The following LYRM4 variants were observed in gnomAD, a reference collection of about 807,000 sequenced individuals.
LYRM4 encodes the protein LYR motif-containing protein 4.
Under a neutral mutation model 11.7 loss-of-function variants are expected in LYRM4, and 9 were observed. The observed-to-expected ratio is 0.77, with a 90% CI of 0.46 to 1.34. The LOEUF (loss-of-function observed/expected upper bound fraction) is 1.34. Among genes scored for constraint, LYRM4 ranks in the 40% most tolerant of loss-of-function variants. LYRM4 has a pLI of 0.00. For synonymous variants in LYRM4, 42 were observed against 40.4 expected (o/e 1.04, Z -0.15); for missense variants, 133 against 112.5 (o/e 1.18, Z -0.82).
At chr6:5,033,054 G>A in the LYRM4 span, 1 of 152,374 alleles carries the variant, frequency 6.6e-6, no homozygotes, top group African/African-American at 2.4e-5. Context: ...TAATGCCCAA[G>A]TCTGTGTCTC....
At chr6:5,059,340 C>CAAA in the LYRM4 span, among the ~76,000 whole-genome samples, 387 of 85,938 alleles carry the variant, frequency 4.5e-3, 1 homozygote, top group African/African-American at 0.012. Flanking sequence ...CGCCCTGTCT[C>CAAA]AAAAAAAAAA....
intron 2 of LYRM4, among the ~76,000 whole-genome samples, chr6:5,209,546 G>C (rs1436134466): frequency 6.6e-6 from 1 of 152,186 alleles, no homozygotes; most frequent in African/African-American, 2.4e-5. Context: ...CTTTATCCCT[G>C]TTCTATTAAA....
In LYRM4 at chr6:5,113,099, G is replaced by A. The variant is rs187627338; in HGVS notation, c.208-3608C>T. ...GTCTTCAGGTCAAGGCGAAGAAGAG[G>A]TGGAGAGTTGTGGCGAGGGGACCCA... On this transcript the variant is annotated intron_variant, in intron 2 of 2. Coordinates refer to ENST00000330636, the MANE Select transcript of LYRM4 (RefSeq NM_020408.6). 6.0e-3 allele frequency: 1,355 copies of A among 224,292 alleles called. 14 individuals are homozygous for A. The highest frequency in any genetic ancestry group is 0.024 in the Admixed American group (417 of 17,318). 13.9% of individuals were successfully genotyped at this position (224,292 alleles called of 1,614,324 possible). A position where few individuals can be genotyped will look rare whatever the true frequency, so the allele number is the denominator to read the frequency against.
rs59883253 is a variant in LYRM4, at chr6:5,242,766, C to CT, written c.86+17881dup. Among the ~76,000 whole-genome samples, 246 of 128,078 alleles carry CT rather than the reference C, an allele frequency of 1.9e-3. 1 individual carries two copies. Among genetic ancestry groups the CT allele is most frequent in the East Asian group, 2.7e-3 (12 of 4,456 alleles). The allele number at this position is 128,078 out of a possible 152,430, so 84.0% of individuals were successfully genotyped here. A position where few individuals can be genotyped will look rare whatever the true frequency, so the allele number is the denominator to read the frequency against. On this transcript the variant is annotated intron_variant, in intron 1 of 2. Coordinates refer to ENST00000330636, the MANE Select transcript of LYRM4 (RefSeq NM_020408.6). ...ACATGAATATGACAGGATTTCTGCT[C>CT]TTTTTTTTTTTTTTTTTTGAGACGG...
intron 2 of LYRM4, among the ~76,000 whole-genome samples, chr6:5,139,215 C>G (rs1757275729): frequency 6.6e-6 from 1 of 152,220 alleles, no homozygotes; most frequent in African/African-American, 2.4e-5. Context: ...GCAGGCCTGC[C>G]AGCCCAGTGC....
intron 2 of LYRM4, among the ~76,000 whole-genome samples, chr6:5,206,484 A>G (rs1430162237): frequency 3.3e-5 from 5 of 152,238 alleles, no homozygotes; most frequent in African/African-American, 4.8e-5. Flanking sequence ...AGGCAGTTAA[A>G]TTTAGGTTGT....
At position 5,189,770 on chromosome 6, in the gene LYRM4, G is replaced by A. The variant is rs537789897; in HGVS notation, c.207+26848C>T. Among the ~76,000 whole-genome samples, 21 of 152,314 alleles carry A rather than the reference G, an allele frequency of 1.4e-4. No individual in the cohort carries two copies. The South Asian group carries it at 4.2e-3, about 30-fold the overall frequency. On this transcript the variant is annotated intron_variant, in intron 2 of 2. Transcript: ENST00000330636. ...ACACACAAAGGTGGCTAAATCACCTGTCTAAAAAAATCAGTACATGCTTCA... is the reference window on the plus strand; with the variant it reads ...ACACACAAAGGTGGCTAAATCACCTATCTAAAAAAATCAGTACATGCTTCA...
At chr6:5,081,103 G>A in the LYRM4 span, among the ~76,000 whole-genome samples, 1 of 145,930 alleles carries the variant, frequency 6.9e-6, no homozygotes, top group East Asian at 2.0e-4. Flanking sequence ...GGAGGCACAT[G>A]ATGTTTGAAG....
chr6:5,260,523 C>A (rs1179137026), intron 1 of LYRM4, 125 bp downstream of exon 1: 2 of 1,327,344 alleles, frequency 1.5e-6, no homozygotes, highest in African/African-American at 2.9e-5. Context: ...GAGCCCGGTC[C>A]TTGCCTCGCA....
At chr6:5,152,252 G>C (rs568927810) in intron 2 of LYRM4, among the ~76,000 whole-genome samples, 1 of 152,126 alleles carries the variant, frequency 6.6e-6, no homozygotes, top group Non-Finnish European at 1.5e-5. Flanking sequence ...TCAGCTCTGT[G>C]TTTCTCCTGC....
intron 1 of LYRM4, among the ~76,000 whole-genome samples, chr6:5,253,765 G>A (rs575223715): frequency 2.4e-4 from 36 of 151,272 alleles, no homozygotes; most frequent in South Asian, 6.2e-4. Context: ...TTGACCATTC[G>A]ATGGTCGTTC....
chr6:5,098,475 T>C, the LYRM4 span, among the ~76,000 whole-genome samples: 1 of 152,162 alleles, frequency 6.6e-6, no homozygotes, highest in East Asian at 1.9e-4. Context: ...ACCCTCGGAG[T>C]GGGCCTGTCC....
rs1302060357 is a variant in LYRM4, at chr6:5,195,454, A to G, written c.207+21164T>C. On this transcript the variant is annotated intron_variant, in intron 2 of 2. Transcript: ENST00000330636. ...GTGAAACCCCATCTCTACAAAAAAA[A>G]AAGAAACAAAAACAAAAAAAACCCC... is the stretch of plus-strand genomic sequence containing the variant. 2.6e-5 allele frequency among the ~76,000 whole-genome samples: 4 copies of G among 152,018 alleles called. No individual in the cohort carries two copies. The East Asian group carries it at 7.7e-4, about 29-fold the overall frequency.
At chr6:5,094,328 T>G in the LYRM4 span, among the ~76,000 whole-genome samples, 1 of 151,976 alleles carries the variant, frequency 6.6e-6, no homozygotes, top group Non-Finnish European at 1.5e-5. Context: ...TAAAAAAATT[T>G]TAAAAATTAG....
At chr6:5,204,984 T>A (rs34287447) in intron 2 of LYRM4, among the ~76,000 whole-genome samples, 1,570 of 152,276 alleles carry the variant, frequency 0.01, 31 homozygotes, top group African/African-American at 0.034. Flanking sequence ...CGGAACTCCC[T>A]ACGTTTTCCT....
chr6:5,035,379 TG>T, the LYRM4 span, among the ~76,000 whole-genome samples: 1 of 151,598 alleles, frequency 6.6e-6, no homozygotes, highest in Non-Finnish European at 1.5e-5. Flanking sequence ...GAAGTCTCTC[TG>T]GACCCTCCCC....
the LYRM4 span, among the ~76,000 whole-genome samples, chr6:5,082,223 G>A: frequency 2.4e-4 from 37 of 152,180 alleles, no homozygotes; most frequent in African/African-American, 8.4e-4. Flanking sequence ...AGTGGGGGCC[G>A]TCTTGTGGGA....
At chr6:5,085,489 G>A in the LYRM4 span, 3 of 1,533,876 alleles carry the variant, frequency 2.0e-6, no homozygotes, top group African/African-American at 4.1e-5. Flanking sequence ...CGGCGTCATG[G>A]AGCCCATAGG....
chr6:5,182,266 T>A (rs1366817242), intron 2 of LYRM4, among the ~76,000 whole-genome samples: 2 of 152,208 alleles, frequency 1.3e-5, no homozygotes, highest in Non-Finnish European at 2.9e-5. Context: ...ATTAAACCAA[T>A]GATGTCAATA....
Sources: gnomAD v4.1 joint callset for allele counts (sites outside exome capture counted in the v4.1 genomes callset) on GRCh38, gnomAD v4.1.1 for gene constraint, MANE v1.5 for transcripts, NCBI Gene and HGNC (gene_info 2026-07-23, HGNC 2026-07-21) for gene names.